SEMA3A: variants seen among roughly 807,000 people sequenced by gnomAD.
SEMA3A encodes the protein semaphorin-3A.
In SEMA3A, 29 loss-of-function variants were observed where a neutral mutation model predicts 97.9. The observed-to-expected ratio is 0.30, with a 90% confidence interval of 0.22 to 0.40. The LOEUF is 0.40. Among genes scored for constraint, SEMA3A ranks in the 10% least tolerant of loss-of-function variants. The probability of loss-of-function intolerance (pLI) is 1.00; values close to 1 mark genes in which losing one functional copy is unlikely to be tolerated. For missense variants in SEMA3A, 763 were observed against 951.3 expected, an observed-to-expected ratio of 0.80 and a Z score of 2.60; for synonymous variants, 321 against 323.7, an observed-to-expected ratio of 0.99 and a Z score of 0.09.
At chr7:84,454,726 A>G (rs776825862) in intron 1 of SEMA3A, among the ~76,000 whole-genome samples, 18 of 152,076 alleles carry the variant, frequency 1.2e-4, no homozygotes, top group Non-Finnish European at 2.5e-4. Context: ...ATATTGTTCA[A>G]CAAAAACTAT....
chr7:84,378,306 AC>A (rs1803161410), intron 1 of SEMA3A, among the ~76,000 whole-genome samples: 1 of 152,120 alleles, frequency 6.6e-6, no homozygotes, highest in East Asian at 1.9e-4. Context: ...CTTGGAACCA[AC>A]CCAAATGCCC....
chr7:84,019,658 G>A (rs1370142700), intron 6 of SEMA3A, among the ~76,000 whole-genome samples: 1 of 151,912 alleles, frequency 6.6e-6, no homozygotes, highest in Non-Finnish European at 1.5e-5. Flanking sequence ...TTTTCAATGG[G>A]TACATGTATA....
At chr7:83,975,639 A>G (rs35704122) in intron 15 of SEMA3A, among the ~76,000 whole-genome samples, 59,965 of 151,896 alleles carry the variant, frequency 0.39, 12,360 homozygotes, top group Middle Eastern at 0.5. Context: ...AATATACAAC[A>G]AGCAAAATAA....
At chr7:84,107,157 C>G (rs1032489861) in intron 4 of SEMA3A, among the ~76,000 whole-genome samples, 1 of 152,098 alleles carries the variant, frequency 6.6e-6, no homozygotes, top group African/African-American at 2.4e-5. Flanking sequence ...TATTTTATTT[C>G]TCACTCTCCC....
intron 1 of SEMA3A, among the ~76,000 whole-genome samples, chr7:84,160,687 G>A (rs975936500): frequency 2.0e-5 from 3 of 152,064 alleles, no homozygotes; most frequent in African/African-American, 4.8e-5. Context: ...AGATCAGCCT[G>A]GCCAACATGG....
At chr7:84,097,353 G>C (rs1794806678) in intron 4 of SEMA3A, among the ~76,000 whole-genome samples, 1 of 152,094 alleles carries the variant, frequency 6.6e-6, no homozygotes, top group South Asian at 2.1e-4. Flanking sequence ...TTATTAATCA[G>C]TAATCTATGT....
At chr7:84,044,130 A>G (rs1792251027) in intron 6 of SEMA3A, among the ~76,000 whole-genome samples, 1 of 151,966 alleles carries the variant, frequency 6.6e-6, no homozygotes, top group African/African-American at 2.4e-5. Flanking sequence ...TCCCTCCCAC[A>G]CAAATATTTC....
chr7:84,242,499 C>T (rs1169513630), intron 3 of SEMA3A, among the ~76,000 whole-genome samples: 1 of 152,114 alleles, frequency 6.6e-6, no homozygotes, highest in African/African-American at 2.4e-5. Flanking sequence ...GCTGAAGTTG[C>T]TTATCTGCTT....
At chr7:84,431,750 T>C (rs1421891879) in intron 1 of SEMA3A, among the ~76,000 whole-genome samples, 1 of 152,022 alleles carries the variant, frequency 6.6e-6, no homozygotes, top group Non-Finnish European at 1.5e-5. Flanking sequence ...TGAGATTCAA[T>C]TAATTTAACA....
intron 1 of SEMA3A, among the ~76,000 whole-genome samples, chr7:84,448,995 C>T (rs1465471340): frequency 6.6e-6 from 1 of 152,152 alleles, no homozygotes; most frequent in Non-Finnish European, 1.5e-5. Flanking sequence ...TATACTCTCA[C>T]ATATATGGCC....
At chr7:84,040,618 G>A (rs948833496) in intron 6 of SEMA3A, among the ~76,000 whole-genome samples, 1 of 152,016 alleles carries the variant, frequency 6.6e-6, no homozygotes, top group African/African-American at 2.4e-5. Context: ...ATGGTTACAT[G>A]CATTGTCATG....
At chr7:84,306,161 T>C (rs982399618) in intron 3 of SEMA3A, among the ~76,000 whole-genome samples, 1 of 151,976 alleles carries the variant, frequency 6.6e-6, no homozygotes, top group Middle Eastern at 3.6e-3. Flanking sequence ...CCTTATATGA[T>C]GTGATAAATT....
intron 2 of SEMA3A, among the ~76,000 whole-genome samples, chr7:84,313,354 GTGTA>G (rs1453925874): frequency 2.3e-3 from 85 of 36,784 alleles, no homozygotes; most frequent in South Asian, 4.0e-3. Context: ...ATATGTGTGT[GTGTA>G]TATATATATA....
chr7:84,382,338 C>T (rs952012165), intron 1 of SEMA3A, among the ~76,000 whole-genome samples: 2 of 151,794 alleles, frequency 1.3e-5, no homozygotes, highest in African/African-American at 4.8e-5. Context: ...AACTCCTGAT[C>T]TCAAGCAATC....
At position 84,486,240 on chromosome 7, in the gene SEMA3A, G is replaced by T. The variant is rs193234423; in HGVS notation, c.-246+6220C>A. On this transcript the variant is annotated intron_variant, in intron 1 of 3. Transcript: ENST00000424555. ...CTGTCTCTATTAAAAATACAAAAATGAGCTGGGCGTGGTGGCATGTGCCTG... is the reference window on the plus strand; with the variant it reads ...CTGTCTCTATTAAAAATACAAAAATTAGCTGGGCGTGGTGGCATGTGCCTG... 3.0e-3 allele frequency among the ~76,000 whole-genome samples: 448 copies of T among 151,844 alleles called. 2 individuals are homozygous for T. Among genetic ancestry groups the T allele is most frequent in the African/African-American group, 0.011 (439 of 41,438 alleles).
chr7:84,316,185 T>C (rs935199434), intron 2 of SEMA3A, among the ~76,000 whole-genome samples: 2 of 144,994 alleles, frequency 1.4e-5, no homozygotes, highest in Non-Finnish European at 3.0e-5. Context: ...CAAACTAAAC[T>C]TCATTTATCG....
rs899928440 is a variant in SEMA3A at position 84,053,641 on chromosome 7, A to T, written c.547+6824T>A. ...GAGATGGGTTTCCTGAATACAGCACACTGATGGGTCTTAACTCTTTATCCA... is the reference window on the plus strand; with the variant it reads ...GAGATGGGTTTCCTGAATACAGCACTCTGATGGGTCTTAACTCTTTATCCA... On this transcript the variant is annotated intron_variant, in intron 5 of 16. Coordinates refer to ENST00000265362, the MANE Select transcript of SEMA3A (RefSeq NM_006080.3). Among the ~76,000 whole-genome samples the T allele has an allele frequency of 2.9e-3, 429 of 149,560 alleles. 2 individuals carry two copies. Among genetic ancestry groups the T allele is most frequent in the African/African-American group, 0.01 (412 of 40,958 alleles).
At chr7:84,149,047 C>T (rs1796549558) in intron 1 of SEMA3A, among the ~76,000 whole-genome samples, 4 of 151,690 alleles carry the variant, frequency 2.6e-5, no homozygotes, top group African/African-American at 9.7e-5. Flanking sequence ...ATTCTTCCAA[C>T]CCCACCTTGT....
intron 6 of SEMA3A, among the ~76,000 whole-genome samples, chr7:84,034,903 G>A (rs1791887348): frequency 6.6e-6 from 1 of 151,866 alleles, no homozygotes; most frequent in African/African-American, 2.4e-5. Flanking sequence ...TTTTGAATAA[G>A]CACGTTTCCT....
Sources: gnomAD v4.1 joint callset for allele counts (sites outside exome capture counted in the v4.1 genomes callset) on GRCh38, gnomAD v4.1.1 for gene constraint, MANE v1.5 for transcripts, NCBI Gene and HGNC (gene_info 2026-07-23, HGNC 2026-07-21) for gene names.